Variants in ERMP1 observed in about 807,000 individuals in gnomAD.
ERMP1 encodes endoplasmic reticulum metallopeptidase 1.
Under a neutral mutation model 92.0 loss-of-function variants are expected in ERMP1, and 86 were observed. The observed-to-expected ratio is 0.93, with a 90% CI of 0.79 to 1.12. The LOEUF is 1.12. Among genes scored for constraint, ERMP1 ranks in the 50% most tolerant of loss-of-function variants. ERMP1 has a pLI of 0.00. For missense variants in ERMP1, 1,342 were observed against 1,116.3 expected (o/e 1.20, Z -2.88); for synonymous variants, 530 against 412.8 (o/e 1.28, Z -3.44).
chr9:5,811,085 T>G, intron 7 of ERMP1, 26 bp downstream of exon 7: 1 of 1,520,590 alleles, frequency 6.6e-7, no homozygotes, highest in South Asian at 1.1e-5. Context: ...ATGCCAGTAT[T>G]TGTAGTTTTA....
At chr9:5,845,080 T>C (rs1468900577) in intron 6 of ERMP1, among the ~76,000 whole-genome samples, 1 of 151,866 alleles carries the variant, frequency 6.6e-6, no homozygotes, top group Non-Finnish European at 1.5e-5. Flanking sequence ...TAAACTTGCA[T>C]TTGTCGAGCC....
At chr9:5,859,462 C>T (rs1170033771) in intron 6 of ERMP1, among the ~76,000 whole-genome samples, 1 of 152,196 alleles carries the variant, frequency 6.6e-6, no homozygotes, top group African/African-American at 2.4e-5. Flanking sequence ...AATCATGCAG[C>T]CTTACCCTGA....
intron 6 of ERMP1, among the ~76,000 whole-genome samples, chr9:5,846,923 G>C (rs1830243411): frequency 6.6e-6 from 1 of 152,102 alleles, no homozygotes; most frequent in South Asian, 2.1e-4. Flanking sequence ...ACTCTGAATG[G>C]GTATGCTGCA....
At chr9:5,797,314 T>A (rs912199282) in intron 13 of ERMP1, among the ~76,000 whole-genome samples, 4 of 151,926 alleles carry the variant, frequency 2.6e-5, no homozygotes, top group South Asian at 2.1e-4. Context: ...GTAGCAAGCA[T>A]AAGCCACCAT....
chr9:5,807,986 T>G (rs1442996112), intron 8 of ERMP1, among the ~76,000 whole-genome samples: 1 of 151,788 alleles, frequency 6.6e-6, no homozygotes, highest in Non-Finnish European at 1.5e-5. Flanking sequence ...ATCATTCTTG[T>G]TTTTTTTAAA....
At chr9:5,842,714 T>C (rs945821624) in intron 6 of ERMP1, among the ~76,000 whole-genome samples, 3 of 152,190 alleles carry the variant, frequency 2.0e-5, no homozygotes, top group African/African-American at 4.8e-5. Flanking sequence ...TGCTACTCTG[T>C]TGCTGTTATA....
intron 13 of ERMP1, among the ~76,000 whole-genome samples, chr9:5,797,324 T>G (rs1828471418): frequency 6.6e-6 from 1 of 151,298 alleles, no homozygotes; most frequent in Non-Finnish European, 1.5e-5. Context: ...TAAGCCACCA[T>G]GCCTGGCCTA....
upstream of ERMP1, among the ~76,000 whole-genome samples, chr9:5,836,093 T>G (rs143087773): frequency 6.7e-3 from 1,022 of 152,342 alleles, 6 homozygotes; most frequent in African/African-American, 0.02. Context: ...CTAAACTGAC[T>G]GACAGACATA....
chr9:5,825,478 C>T (rs1829697879), intron 2 of ERMP1, among the ~76,000 whole-genome samples: 1 of 152,334 alleles, frequency 6.6e-6, no homozygotes, highest in East Asian at 1.9e-4. Flanking sequence ...CAATTAGTGT[C>T]TGCTAAATGA....
chr9:5,803,493 A>G (rs1210193875), intron 10 of ERMP1, among the ~76,000 whole-genome samples: 1 of 152,010 alleles, frequency 6.6e-6, no homozygotes, highest in Non-Finnish European at 1.5e-5. Flanking sequence ...GCCCCCTTTC[A>G]TATTATCAGT....
intron 2 of ERMP1, among the ~76,000 whole-genome samples, chr9:5,827,008 C>T (rs1044921073): frequency 6.6e-6 from 1 of 152,128 alleles, no homozygotes; most frequent in African/African-American, 2.4e-5. Flanking sequence ...GCTGACATCC[C>T]TTTCCATTTA....
intron 6 of ERMP1, among the ~76,000 whole-genome samples, chr9:5,849,472 C>T (rs1332842375): frequency 2.6e-5 from 4 of 152,172 alleles, no homozygotes; most frequent in African/African-American, 9.7e-5. Flanking sequence ...GATTAGAGCC[C>T]GAACCCAACC....
At chr9:5,857,003 A>C (rs1830382191) in intron 6 of ERMP1, among the ~76,000 whole-genome samples, 1 of 152,054 alleles carries the variant, frequency 6.6e-6, no homozygotes, top group South Asian at 2.1e-4. Flanking sequence ...CATGACATTA[A>C]ATGGACCATG....
At chr9:5,839,612 A>C (rs767213877) in intron 6 of ERMP1, among the ~76,000 whole-genome samples, 1 of 152,144 alleles carries the variant, frequency 6.6e-6, no homozygotes, top group Non-Finnish European at 1.5e-5. Flanking sequence ...GCGCACCTGG[A>C]GACCCCCAGC....
chr9:5,820,198 C>G (rs1279180772), intron 4 of ERMP1, among the ~76,000 whole-genome samples: 1 of 152,228 alleles, frequency 6.6e-6, no homozygotes, highest in East Asian at 1.9e-4. Flanking sequence ...ACATGGCAGG[C>G]TGAGGCAAGA....
At chr9:5,801,038 C>G in intron 11 of ERMP1, 138 bp downstream of exon 11, 1 of 736,140 alleles carries the variant, frequency 1.4e-6, no homozygotes, top group Non-Finnish European at 2.2e-6. Context: ...CTCCTCACTG[C>G]CTTACACACA....
intron 6 of ERMP1, among the ~76,000 whole-genome samples, chr9:5,842,139 G>A (rs1436859115): frequency 6.6e-6 from 1 of 152,180 alleles, no homozygotes; most frequent in Non-Finnish European, 1.5e-5. Context: ...ACAGTGCAAG[G>A]GGACTGGAGC....
Position 5,823,142 on chromosome 9 carries a change from A to G in ERMP1, c.874+754T>C, listed in dbSNP as rs117678868. 6.5e-3 allele frequency among the ~76,000 whole-genome samples: 989 copies of G among 152,160 alleles called. 4 individuals carry two copies. Among genetic ancestry groups the G allele is most frequent in the South Asian group, 0.015 (73 of 4,826 alleles). The stretch of plus-strand genomic sequence containing the variant: ...TCTACAAAAAAATTTTTAAATAGCC[A>G]GGCGTGATAGCAAGCACCTGCAGTC... On this transcript the variant is annotated intron_variant, in intron 4 of 14. Transcript: ENST00000339450.
chr9:5,838,904 G>A (rs1830124776), intron 6 of ERMP1, among the ~76,000 whole-genome samples: 1 of 152,054 alleles, frequency 6.6e-6, no homozygotes, highest in East Asian at 1.9e-4. Flanking sequence ...GTTATCTCTG[G>A]GTGATTTTCC....
Sources: gnomAD v4.1 joint callset for allele counts (sites outside exome capture counted in the v4.1 genomes callset) on GRCh38, gnomAD v4.1.1 for gene constraint, MANE v1.5 for transcripts, NCBI Gene and HGNC (gene_info 2026-07-23, HGNC 2026-07-21) for gene names.